Variants in NCKAP5 observed in about 807,000 individuals in gnomAD.
The protein encoded by NCKAP5 is NCK associated protein 5.
Under a neutral mutation model 167.0 loss-of-function variants are expected in NCKAP5, and 92 were observed. That is an observed-to-expected ratio of 0.55 (90% CI 0.47 to 0.66). The LOEUF (loss-of-function observed/expected upper bound fraction) is 0.66. NCKAP5 is among the 30% of genes least tolerant of loss of function. The pLI is 0.00. For missense variants in NCKAP5, 2,378 were observed against 2,315.0 expected, an observed-to-expected ratio of 1.03 and a Z score of -0.56; for synonymous variants, 891 against 877.4, an observed-to-expected ratio of 1.02 and a Z score of -0.27.
upstream of NCKAP5, among the ~76,000 whole-genome samples, chr2:133,569,596 A>T (rs1300461968): frequency 6.6e-6 from 1 of 152,114 alleles, no homozygotes; most frequent in Non-Finnish European, 1.5e-5. Context: ...GTGAGCATTG[A>T]GGGTGGAGGC....
the NCKAP5 span, among the ~76,000 whole-genome samples, chr2:133,615,769 A>G: frequency 0.5 from 75,188 of 151,790 alleles, 20,629 homozygotes; most frequent in Middle Eastern, 0.71. Context: ...AAGGATACCC[A>G]GGAATTGAAC....
At chr2:133,203,442 T>C (rs898116154) in intron 5 of NCKAP5, among the ~76,000 whole-genome samples, 1 of 152,040 alleles carries the variant, frequency 6.6e-6, no homozygotes, top group Non-Finnish European at 1.5e-5. Flanking sequence ...CTAATGTAAA[T>C]GACAAGTTAA....
At chr2:133,046,775 C>T (rs191849839) in intron 6 of NCKAP5, among the ~76,000 whole-genome samples, 223 of 152,034 alleles carry the variant, frequency 1.5e-3, no homozygotes, top group African/African-American at 4.9e-3. Flanking sequence ...TTGCCAATTA[C>T]GTAGATGATT....
chr2:132,997,425 TTAA>T (rs975185811), intron 6 of NCKAP5, among the ~76,000 whole-genome samples: 1 of 152,214 alleles, frequency 6.6e-6, no homozygotes, highest in African/African-American at 2.4e-5. Flanking sequence ...TCTTATGTTA[TTAA>T]TAATAACTCA....
In NCKAP5 at chr2:133,133,616, A is replaced by T. The variant is rs562363896; in HGVS notation, c.208-3505T>A. On this transcript the variant is annotated intron_variant, in intron 5 of 19. Transcript: ENST00000409261. ...AAAGGTAGGTTTCCCTGTTTTTCTG[A>T]AGAAAAGCTGTGAGTGGGTTAACTT... Among the ~76,000 whole-genome samples, 21 of 152,328 alleles carry T rather than the reference A, an allele frequency of 1.4e-4. No individual in the cohort carries two copies. The South Asian group carries it at 3.3e-3, about 24-fold the overall frequency.
chr2:133,336,784 A>G (rs1683237462), intron 3 of NCKAP5, among the ~76,000 whole-genome samples: 1 of 152,190 alleles, frequency 6.6e-6, no homozygotes, highest in Non-Finnish European at 1.5e-5. Context: ...TCTTTAGGTT[A>G]AGAGTTTCTC....
At chr2:133,240,519 C>T (rs2087642817) in intron 4 of NCKAP5, among the ~76,000 whole-genome samples, 1 of 152,206 alleles carries the variant, frequency 6.6e-6, no homozygotes, top group South Asian at 2.1e-4. Context: ...GCGTCCTGTA[C>T]AGACTTACAA....
chr2:132,852,538 G>T (rs1356953821), intron 11 of NCKAP5, among the ~76,000 whole-genome samples: 1 of 152,168 alleles, frequency 6.6e-6, no homozygotes, highest in Non-Finnish European at 1.5e-5. Context: ...ACTCCTGGAG[G>T]TTATTGTTTT....
chr2:133,669,944 C>T, the NCKAP5 span, among the ~76,000 whole-genome samples: 1 of 152,116 alleles, frequency 6.6e-6, no homozygotes, highest in African/African-American at 2.4e-5. Flanking sequence ...AGACTGCACA[C>T]AAAGTAGATT....
chr2:132,842,669 C>A (rs552327857), intron 11 of NCKAP5, among the ~76,000 whole-genome samples: 6 of 152,126 alleles, frequency 3.9e-5, no homozygotes, highest in Middle Eastern at 3.4e-3. Flanking sequence ...ACTTCAGCCT[C>A]CCAAGTAGCT....
At chr2:133,291,128 C>T (rs1375040134) in intron 4 of NCKAP5, among the ~76,000 whole-genome samples, 2 of 152,078 alleles carry the variant, frequency 1.3e-5, no homozygotes, top group Non-Finnish European at 2.9e-5. Flanking sequence ...AAAACACATC[C>T]CCAGTTTTTG....
At chr2:132,725,890 C>T in intron 18 of NCKAP5, 131 bp from the exon 19 acceptor site, 1 of 969,214 alleles carries the variant, frequency 1.0e-6, no homozygotes, top group Non-Finnish European at 1.5e-6. Context: ...CACTGCCCAG[C>T]CCGCCGCTCA....
At chr2:132,937,338 A>C (rs1432707219) in intron 8 of NCKAP5, among the ~76,000 whole-genome samples, 2 of 152,226 alleles carry the variant, frequency 1.3e-5, no homozygotes, top group Non-Finnish European at 2.9e-5. Flanking sequence ...ATTAATAAAT[A>C]TGGAAACCTC....
chr2:132,934,112 T>C (rs1696656804), intron 8 of NCKAP5, among the ~76,000 whole-genome samples: 1 of 152,240 alleles, frequency 6.6e-6, no homozygotes, highest in African/African-American at 2.4e-5. Context: ...AAAGTCATTA[T>C]AACTTTATGC....
the NCKAP5 span, among the ~76,000 whole-genome samples, chr2:133,620,657 C>G: frequency 3.3e-5 from 5 of 152,016 alleles, no homozygotes; most frequent in Non-Finnish European, 5.9e-5. Context: ...AGACAGACAG[C>G]AATACAATGA....
At chr2:133,435,189 GA>G (rs1046978296) in intron 3 of NCKAP5, among the ~76,000 whole-genome samples, 16 of 152,176 alleles carry the variant, frequency 1.1e-4, no homozygotes, top group African/African-American at 3.9e-4. Context: ...ATGTTTCAGG[GA>G]GAGATCTTCT....
intron 8 of NCKAP5, among the ~76,000 whole-genome samples, chr2:132,914,151 G>A (rs1317746385): frequency 6.6e-6 from 1 of 152,068 alleles, no homozygotes; most frequent in African/African-American, 2.4e-5. Context: ...CTTTCAAATA[G>A]CACATCTATG....
At position 132,971,742 on chromosome 2, in the gene NCKAP5, T is replaced by C. The variant is rs77816684; in HGVS notation, c.430-7873A>G. 4.8e-3 allele frequency among the ~76,000 whole-genome samples: 729 copies of C among 152,320 alleles called. 5 individuals carry two copies. Among genetic ancestry groups the C allele is most frequent in the African/African-American group, 0.017 (701 of 41,576 alleles). On this transcript the variant is annotated intron_variant, in intron 7 of 19. Coordinates refer to ENST00000409261, the MANE Select transcript of NCKAP5 (RefSeq NM_207363.3). Reference sequence around the variant, plus strand: ...AACAGTGACAAGCAACATTTCCTTATTTCAATGTTTCTCAGAGAGTGGGCC... The same window carrying C: ...AACAGTGACAAGCAACATTTCCTTACTTCAATGTTTCTCAGAGAGTGGGCC...
intron 4 of NCKAP5, among the ~76,000 whole-genome samples, chr2:133,252,379 G>T (rs2088389003): frequency 6.6e-6 from 1 of 152,190 alleles, no homozygotes. Context: ...GAGATGACTT[G>T]AACTTCCATT....
Sources: allele counts gnomAD v4.1 joint callset (sites outside exome capture counted in the v4.1 genomes callset), GRCh38; gene constraint gnomAD v4.1.1; transcripts MANE v1.5; gene names NCBI Gene and HGNC (gene_info 2026-07-23, HGNC 2026-07-21).